ULK4: variants seen among roughly 807,000 people sequenced by gnomAD.
ULK4 encodes unc-51 like kinase 4.
Under a neutral mutation model 160.6 loss-of-function variants are expected in ULK4, and 133 were observed. The ratio of observed to expected loss-of-function variants is 0.83; its 90% confidence interval spans 0.72 to 0.96. The LOEUF (loss-of-function observed/expected upper bound fraction) is 0.96, where lower values mean the gene tolerates loss of function less well. Ranked by LOEUF, ULK4 falls within the 40% of genes least tolerant of loss-of-function variation. ULK4 has a pLI of 0.00. For missense variants in ULK4, 1,580 were observed against 1,499.5 expected, an observed-to-expected ratio of 1.05 and a Z score of -0.89; for synonymous variants, 534 against 539.8, an observed-to-expected ratio of 0.99 and a Z score of 0.15.
intron 27 of ULK4, chr3:41,687,933 G>T (rs1404615640): frequency 6.6e-6 from 1 of 152,232 alleles, no homozygotes; most frequent in East Asian, 1.9e-4. Context: ...AAGGGCTGGG[G>T]GAATGGGTGG....
chr3:41,936,288 T>C (rs147881159), intron 3 of ULK4, among the ~76,000 whole-genome samples: 1 of 152,312 alleles, frequency 6.6e-6, no homozygotes, highest in Admixed American at 6.5e-5. Flanking sequence ...TATAGTATCG[T>C]TTACTGTTGT....
chr3:41,263,764 C>T (rs754417595), intron 35 of ULK4, among the ~76,000 whole-genome samples: 1 of 152,182 alleles, frequency 6.6e-6, no homozygotes, highest in Non-Finnish European at 1.5e-5. Context: ...CAATCACAAT[C>T]ACACATGAGA....
At chr3:41,736,081 C>T (rs1379828550) in intron 22 of ULK4, among the ~76,000 whole-genome samples, 1 of 151,410 alleles carries the variant, frequency 6.6e-6, no homozygotes, top group African/African-American at 2.4e-5. Context: ...TTTCTTAATC[C>T]AGTCTATCAT....
chr3:41,960,868 A>T (rs938626857), intron 1 of ULK4, among the ~76,000 whole-genome samples: 1 of 152,172 alleles, frequency 6.6e-6, no homozygotes, highest in Non-Finnish European at 1.5e-5. Flanking sequence ...ACACCCTTCT[A>T]ATCACCACCC....
intron 35 of ULK4, among the ~76,000 whole-genome samples, chr3:41,381,183 G>A (rs1207140416): frequency 1.3e-5 from 2 of 152,186 alleles, no homozygotes; most frequent in Non-Finnish European, 2.9e-5. Context: ...TCATTTCAAA[G>A]TCCATAGAGA....
intron 30 of ULK4, among the ~76,000 whole-genome samples, chr3:41,642,459 C>G (rs1373766409): frequency 6.6e-6 from 1 of 152,012 alleles, no homozygotes; most frequent in Admixed American, 6.6e-5. Flanking sequence ...TTGTCCTTGC[C>G]ATAGTTTACT....
chr3:41,339,558 A>G (rs988137560), intron 35 of ULK4, among the ~76,000 whole-genome samples: 4 of 152,186 alleles, frequency 2.6e-5, no homozygotes, highest in African/African-American at 9.6e-5. Context: ...CTTCCTCAAT[A>G]TACAACTTAT....
chr3:41,526,464 T>C (rs886139680), intron 32 of ULK4, among the ~76,000 whole-genome samples: 3 of 152,238 alleles, frequency 2.0e-5, no homozygotes, highest in African/African-American at 7.2e-5. Context: ...ATGTGCTTCC[T>C]GAGATCACTT....
intron 35 of ULK4, among the ~76,000 whole-genome samples, chr3:41,273,208 ATT>A (rs972364838): frequency 3.9e-5 from 6 of 152,076 alleles, no homozygotes; most frequent in Non-Finnish European, 8.8e-5. Flanking sequence ...TACTAGAAAC[ATT>A]TTGTTTTTTT....
chr3:41,926,325 C>T (rs1463044004), intron 5 of ULK4, among the ~76,000 whole-genome samples: 3 of 152,168 alleles, frequency 2.0e-5, no homozygotes, highest in Non-Finnish European at 2.9e-5. Context: ...GACATCCACA[C>T]AGAAACCCCA....
intron 35 of ULK4, among the ~76,000 whole-genome samples, chr3:41,305,170 C>G (rs985565435): frequency 7.3e-6 from 1 of 137,496 alleles, no homozygotes; most frequent in African/African-American, 2.7e-5. Context: ...GAAGGTGATT[C>G]AAAACTGGAA....
At chr3:41,527,375 A>G (rs901425044) in intron 32 of ULK4, among the ~76,000 whole-genome samples, 11 of 152,374 alleles carry the variant, frequency 7.2e-5, no homozygotes, top group Non-Finnish European at 8.8e-5. Context: ...GATGCTTACT[A>G]TGTGTGGGAC....
rs1176780917 is a variant in ULK4, at chr3:41,306,629, AC to A, written c.3679-57056del. The stretch of plus-strand genomic sequence containing the variant: ...TGAGGAGCCCCTCTGCCCGGCCACC[AC>A]CCCGTCTGGGAGGTGTGCCCAACAG... On this transcript the variant is annotated intron_variant, in intron 35 of 36. Coordinates refer to ENST00000301831, the MANE Select transcript of ULK4 (RefSeq NM_017886.4). Among the ~76,000 whole-genome samples the A allele has an allele frequency of 1.6e-4, 24 of 151,190 alleles. 1 individual carries two copies. The highest frequency in any genetic ancestry group is 1.6e-3 in the Admixed American group (24 of 15,214).
At chr3:41,358,776 C>A (rs1034787414) in intron 35 of ULK4, among the ~76,000 whole-genome samples, 2 of 152,086 alleles carry the variant, frequency 1.3e-5, no homozygotes, top group African/African-American at 4.8e-5. Flanking sequence ...CCGAGATGGA[C>A]AGCCAGTCCA....
At chr3:41,577,998 T>A (rs1027262588) in intron 31 of ULK4, among the ~76,000 whole-genome samples, 1 of 152,220 alleles carries the variant, frequency 6.6e-6, no homozygotes, top group Non-Finnish European at 1.5e-5. Context: ...CAGCTCTTAC[T>A]CCTGAACAGC....
intron 34 of ULK4, among the ~76,000 whole-genome samples, chr3:41,425,494 T>A (rs1013191006): frequency 6.6e-6 from 1 of 152,044 alleles, no homozygotes; most frequent in Admixed American, 6.5e-5. Flanking sequence ...CATATAATCA[T>A]CAGATTCTCC....
intron 34 of ULK4, among the ~76,000 whole-genome samples, chr3:41,432,827 C>T (rs1316888704): frequency 2.0e-5 from 3 of 151,856 alleles, no homozygotes; most frequent in Non-Finnish European, 4.4e-5. Context: ...ACCAACATAC[C>T]ACTACATAGA....
At chr3:41,819,654 ACTAGATCAAGGAT>A (rs780933775) in intron 18 of ULK4, 148 bp from the exon 19 acceptor site, 7 of 636,220 alleles carry the variant, frequency 1.1e-5, no homozygotes, top group African/African-American at 1.8e-5. Flanking sequence ...GATGATAACG[ACTAGATCAAGGAT>A]CTTTTACTGC....
At chr3:41,637,941 C>T (rs1448437345) in intron 30 of ULK4, among the ~76,000 whole-genome samples, 2 of 152,048 alleles carry the variant, frequency 1.3e-5, no homozygotes, top group African/African-American at 4.8e-5. Context: ...ATATTAACTC[C>T]TTATCTGATG....
Sources: gnomAD v4.1 joint callset for allele counts (sites outside exome capture counted in the v4.1 genomes callset) on GRCh38, gnomAD v4.1.1 for gene constraint, MANE v1.5 for transcripts, NCBI Gene and HGNC (gene_info 2026-07-23, HGNC 2026-07-21) for gene names.